CCDC88A: variants seen among roughly 807,000 people sequenced by gnomAD.
CCDC88A encodes the protein girdin.
A neutral mutation model predicts 234.3 loss-of-function variants in CCDC88A; 54 were observed. That is an observed-to-expected ratio of 0.23 (90% CI 0.19 to 0.29). The LOEUF (loss-of-function observed/expected upper bound fraction) is 0.29, where lower values mean the gene tolerates loss of function less well. Among genes scored for constraint, CCDC88A ranks in the 10% least tolerant of loss-of-function variants. The pLI, the probability that CCDC88A is intolerant of heterozygous loss-of-function variation, is 1.00. For synonymous variants in CCDC88A, 753 were observed against 737.8 expected (o/e 1.02, Z -0.33); for missense variants, 1,832 against 2,123.4 (o/e 0.86, Z 2.70).
At chr2:55,375,614 G>A (rs1271983636) in intron 3 of CCDC88A, among the ~76,000 whole-genome samples, 6 of 150,018 alleles carry the variant, frequency 4.0e-5, no homozygotes, top group African/African-American at 7.4e-5. Context: ...TGCAACCTCC[G>A]CCTCCTGGGT....
intron 12 of CCDC88A, among the ~76,000 whole-genome samples, chr2:55,341,031 C>T (rs910371569): frequency 7.2e-5 from 11 of 151,852 alleles, no homozygotes; most frequent in Non-Finnish European, 2.9e-5. Flanking sequence ...TTTTTTGATA[C>T]CACATATAAA....
intron 18 of CCDC88A, 47 bp downstream of exon 18, chr2:55,322,481 T>C (rs1215362604): frequency 1.8e-6 from 2 of 1,118,100 alleles, no homozygotes; most frequent in Non-Finnish European, 2.6e-6. Context: ...CCAGTGATCC[T>C]CTATTTCTAA....
intron 13 of CCDC88A, chr2:55,338,952 T>G (rs1271465168): frequency 3.3e-5 from 5 of 150,448 alleles, no homozygotes; most frequent in Admixed American, 3.3e-4. Flanking sequence ...CTAGCCCTGC[T>G]TATTCTTTTT....
At chr2:55,307,768 G>A (rs1052617578) in intron 25 of CCDC88A, among the ~76,000 whole-genome samples, 48 of 151,172 alleles carry the variant, frequency 3.2e-4, no homozygotes, top group Admixed American at 1.7e-3. Flanking sequence ...TTACATGCAT[G>A]AGCCACTGTA....
rs756477275 is a variant in CCDC88A at position 55,301,913 on chromosome 2, G to A, written c.4631C>T (p.Ser1544Phe). 3.7e-6 allele frequency: 6 copies of A among 1,614,048 alleles called. No individual in the cohort carries two copies. The Admixed American group carries it at 6.7e-5, about 18-fold the overall frequency. The change falls in exon 27 of 33, where the codon TCT becomes TTT. Residue 1544 changes from serine (S) to phenylalanine (F), a missense_variant. Transcript: ENST00000436346. Reference sequence around the variant, plus strand: ...CTGCTTGGATCTGAAGCCTGCAGAAGAGTTGACAGTTGAAAAGTTGATGGC... The same window carrying A: ...CTGCTTGGATCTGAAGCCTGCAGAAAAGTTGACAGTTGAAAAGTTGATGGC... ...TTAINFSTVN[S>F]SAGFRSKQLV...
intron 5 of CCDC88A, among the ~76,000 whole-genome samples, chr2:55,366,858 T>C (rs1672049817): frequency 6.6e-6 from 1 of 152,152 alleles, no homozygotes; most frequent in South Asian, 2.1e-4. Context: ...GAACACATTA[T>C]AGTGTTTTAA....
chr2:55,348,459 G>A (rs1391347705), intron 9 of CCDC88A: 1 of 151,940 alleles, frequency 6.6e-6, no homozygotes, highest in Admixed American at 6.6e-5. Context: ...ATTTTTAGTA[G>A]AGACAGGGTT....
chr2:55,310,211 A>G (rs777051003), intron 23 of CCDC88A, among the ~76,000 whole-genome samples: 2 of 151,834 alleles, frequency 1.3e-5, no homozygotes, highest in Non-Finnish European at 3.0e-5. Flanking sequence ...AGAAGTATTG[A>G]AAGTTTCATT....
At chr2:55,382,041 T>C (rs1485943981) in intron 3 of CCDC88A, among the ~76,000 whole-genome samples, 1 of 152,172 alleles carries the variant, frequency 6.6e-6, no homozygotes, top group Non-Finnish European at 1.5e-5. Context: ...TTTAGTAGAC[T>C]ATAGGAAAAA....
chr2:55,351,232 G>A (rs1252369542), intron 8 of CCDC88A, among the ~76,000 whole-genome samples: 1 of 152,138 alleles, frequency 6.6e-6, no homozygotes, highest in Admixed American at 6.5e-5. Context: ...TGCTGTGCCT[G>A]GCTTTTAGGA....
chr2:55,380,074 A>AAT (rs1333735153), intron 3 of CCDC88A, among the ~76,000 whole-genome samples: 1 of 149,072 alleles, frequency 6.7e-6, no homozygotes, highest in Non-Finnish European at 1.5e-5. Context: ...AAAAAAAAAA[A>AAT]AAAAAAAAAA....
rs1205072214 is a variant in CCDC88A, at chr2:55,318,885, T to C, written c.3282A>G (p.Gln1094=). 1 of 1,612,808 alleles carries C rather than the reference T, an allele frequency of 6.2e-7. No homozygotes were observed. Among genetic ancestry groups the C allele is most frequent in the Non-Finnish European group, 8.5e-7 (1 of 1,179,162 alleles). Residue 1094 remains glutamine, a synonymous_variant, in exon 19 of 33, where the codon CAA becomes CAG. Transcript: ENST00000436346. ...LALQRQTVSL[Q]EQNTTLQTQN... is the part of the protein sequence containing the mutation. ...GTGTTTGAAGAGTGGTATTCTGTTC[T>C]TGTAATGACACTGTCTGCCTCTGAA... is the stretch of plus-strand genomic sequence containing the variant.
Position 55,334,829 on chromosome 2 carries a change from T to G in CCDC88A, c.1992A>C (p.Glu664Asp). The change falls in exon 15 of 33, where the codon GAA becomes GAC. Residue 664 changes from glutamate to aspartate, a missense_variant. Physicochemically the swap from Glu to Asp is conservative, Grantham distance 45. Transcript: ENST00000436346. The surrounding 1 kb of genome is among the most constrained non-coding windows in gnomAD (Gnocchi z 6.1). ...TCEKIEALEQ[E>D]NSELERENRK... The stretch of plus-strand genomic sequence containing the variant: ...TATTTTCTCTTTCTAGCTCTGAATT[T>G]TCTTGTTCTAAGGCCTCAATTTTTT... 1.9e-6 allele frequency: 3 copies of G among 1,565,812 alleles called. No homozygotes were observed. Among genetic ancestry groups the G allele is most frequent in the Non-Finnish European group, 2.6e-6 (3 of 1,153,740 alleles).
chr2:55,289,345 T>G lies in CCDC88A; in HGVS notation c.*1855A>C, dbSNP rs753657973. 2.0e-5 allele frequency: 3 copies of G among 152,652 alleles called. No individual in the cohort carries two copies. The highest frequency in any genetic ancestry group is 4.4e-5 in the Non-Finnish European group (3 of 68,022). 9.5% of individuals were successfully genotyped at this position (152,652 alleles called of 1,614,324 possible). A position where few individuals can be genotyped will look rare whatever the true frequency, so the allele number is the denominator to read the frequency against. Reference sequence around the variant, plus strand: ...TTTAGCCATAACATAATTTCTATGTTTACTTTTATCCACCTAAAAATGAAT... The same window carrying G: ...TTTAGCCATAACATAATTTCTATGTGTACTTTTATCCACCTAAAAATGAAT... On this transcript the variant is annotated 3_prime_UTR_variant, in exon 33 of 33. Coordinates refer to ENST00000436346, the MANE Select transcript of CCDC88A (RefSeq NM_001365480.1).
At position 55,305,847 on chromosome 2, in the gene CCDC88A, T is replaced by A. The variant is rs188614913; in HGVS notation, c.4388-2695A>T. On this transcript the variant is annotated intron_variant, in intron 25 of 32. Transcript: ENST00000436346. ...CTGCGCTCCAGCTTGGGCAACAGAGTAAGACTCCATCTCTTAAAAAAAAAA... is the reference window on the plus strand; with the variant it reads ...CTGCGCTCCAGCTTGGGCAACAGAGAAAGACTCCATCTCTTAAAAAAAAAA... Among the ~76,000 whole-genome samples, 407 of 150,082 alleles carry A rather than the reference T, an allele frequency of 2.7e-3. 3 individuals are homozygous for A. Among genetic ancestry groups the A allele is most frequent in the Admixed American group, 7.0e-3 (106 of 15,222 alleles).
Position 55,301,260 on chromosome 2 carries a change from C to T in CCDC88A, c.4690G>A (p.Asp1564Asn). ...TCACTAACACCTTGTGGACTTATGT[C>T]TTCAAAGGATGTAGTATCTACATAA... ...VNNKDTTSFE[D>N]ISPQGVSDDS... is the part of the protein sequence containing the mutation. Residue 1564 changes from aspartate to asparagine, a missense_variant, in exon 28 of 33, where the codon GAC (aspartate) becomes AAC (asparagine). Around this residue, in one of 6 missense-constraint regions of CCDC88A, gnomAD observed 422 missense variants for 416.5 expected, o/e 1.01. Coordinates refer to ENST00000436346, the MANE Select transcript of CCDC88A (RefSeq NM_001365480.1). 1 of 1,585,542 alleles carries T rather than the reference C, an allele frequency of 6.3e-7. No homozygotes were observed. The highest frequency in any genetic ancestry group is 8.6e-7 in the Non-Finnish European group (1 of 1,160,546).
intron 25 of CCDC88A, among the ~76,000 whole-genome samples, chr2:55,305,040 T>C (rs570676629): frequency 2.6e-5 from 4 of 152,358 alleles, no homozygotes; most frequent in Middle Eastern, 3.4e-3. Context: ...GTTTGACCTA[T>C]TTCTTTTCAA....
intron 25 of CCDC88A, chr2:55,308,452 A>T (rs1681919326): frequency 5.6e-6 from 1 of 179,396 alleles, no homozygotes; most frequent in Admixed American, 5.7e-5. Flanking sequence ...TAATTATGAA[A>T]ATGACATCTC....
intron 7 of CCDC88A, among the ~76,000 whole-genome samples, chr2:55,359,577 C>CA (rs1558738357): frequency 6.6e-6 from 1 of 150,712 alleles, no homozygotes; most frequent in Non-Finnish European, 1.5e-5. Flanking sequence ...TATGCCCCCC[C>CA]ATTCCTGTAG....
Sources: gnomAD v4.1 joint callset for allele counts (sites outside exome capture counted in the v4.1 genomes callset) on GRCh38, gnomAD v4.1.1 for gene constraint, gnomAD v4.1.1 regional missense constraint, Gnocchi (gnomAD v3.1) non-coding constraint, MANE v1.5 for transcripts, NCBI Gene and HGNC (gene_info 2026-07-23, HGNC 2026-07-21) for gene names.